DCDC1: variants seen among roughly 807,000 people sequenced by gnomAD.
DCDC1 encodes the protein doublecortin domain-containing protein 1.
In DCDC1, 200 loss-of-function variants were observed where a neutral mutation model predicts 178.3. The observed-to-expected ratio is 1.12, with a 90% CI of 1.00 to 1.26. The LOEUF is 1.26. DCDC1 is among the 50% of genes most tolerant of loss of function. DCDC1 has a pLI of 0.00. For missense variants in DCDC1, 1,983 were observed against 1,749.2 expected (o/e 1.13, Z -2.38); for synonymous variants, 690 against 604.8 (o/e 1.14, Z -2.07).
chr11:31,363,243 ATTTC>A (rs1412691775), intron 1 of DCDC1, among the ~76,000 whole-genome samples: 6 of 152,100 alleles, frequency 3.9e-5, no homozygotes. Context: ...GAAATAAATC[ATTTC>A]TTTAAGTGAG....
chr11:31,104,256 C>A (rs1958703555), intron 13 of DCDC1, among the ~76,000 whole-genome samples: 1 of 151,920 alleles, frequency 6.6e-6, no homozygotes, highest in Admixed American at 6.6e-5. Context: ...AAATTAAAAT[C>A]AAAAACAGAT....
chr11:30,927,384 AAAAG>A (rs771773504), intron 22 of DCDC1, among the ~76,000 whole-genome samples: 12 of 152,296 alleles, frequency 7.9e-5, no homozygotes, highest in East Asian at 1.9e-4. Flanking sequence ...AAAAAAGAAA[AAAAG>A]AAAGAAAGAA....
In DCDC1 at chr11:31,106,811, A is replaced by G. The variant is rs1356131404; in HGVS notation, c.1737T>C (p.Tyr579=). The G allele has an allele frequency of 1.3e-6, 1 of 766,130 alleles. No homozygotes were observed. The highest frequency in any genetic ancestry group is 2.4e-6 in the Non-Finnish European group (1 of 417,810). 47.5% of individuals were successfully genotyped at this position (766,130 alleles called of 1,614,324 possible). A position where few individuals can be genotyped will look rare whatever the true frequency, so the allele number is the denominator to read the frequency against. ...LKNEQKIWVS[Y]GRAYRSPLNL... ...CTTGCTCCTACCTGTATGCTCTACC[A>G]TAAGAGACCCAAATTTTTTGCTCAT... is the stretch of plus-strand genomic sequence containing the variant. The change falls in exon 13 of 39, where the codon TAT becomes TAC. Residue 579 remains tyrosine, a synonymous_variant. Transcript: ENST00000684477.
chr11:31,095,278 T>TTTATAATCC (rs1414063567), intron 15 of DCDC1, among the ~76,000 whole-genome samples: 2 of 152,136 alleles, frequency 1.3e-5, no homozygotes, highest in African/African-American at 4.8e-5. Context: ...AGTAGAATGA[T>TTTATAATCC]TTATAATCCT....
intron 15 of DCDC1, among the ~76,000 whole-genome samples, chr11:31,095,747 C>A (rs1243452732): frequency 6.6e-6 from 1 of 152,132 alleles, no homozygotes; most frequent in Non-Finnish European, 1.5e-5. Flanking sequence ...CTCACTTAGA[C>A]CTAATTGTCA....
chr11:30,868,679 T>A (rs1941249942), intron 38 of DCDC1, among the ~76,000 whole-genome samples: 1 of 152,146 alleles, frequency 6.6e-6, no homozygotes, highest in African/African-American at 2.4e-5. Context: ...TGTTTGGAAA[T>A]CTTCTAAATT....
intron 10 of DCDC1, among the ~76,000 whole-genome samples, chr11:31,134,163 C>A (rs563018744): frequency 6.6e-6 from 1 of 152,192 alleles, no homozygotes; most frequent in Admixed American, 6.5e-5. Context: ...GGAGAAGGAA[C>A]AATTGAAAAC....
chr11:31,032,542 T>C (rs1395260458), intron 20 of DCDC1, among the ~76,000 whole-genome samples: 2 of 150,440 alleles, frequency 1.3e-5, no homozygotes, highest in African/African-American at 5.0e-5. Flanking sequence ...GATACATACA[T>C]ACATATGCCT....
chr11:30,945,762 A>G (rs184371433), intron 21 of DCDC1, among the ~76,000 whole-genome samples: 24 of 150,022 alleles, frequency 1.6e-4, no homozygotes, highest in Admixed American at 2.7e-4. Flanking sequence ...CTGTCTGTCT[A>G]TCTATCTATA....
intron 9 of DCDC1, among the ~76,000 whole-genome samples, chr11:31,188,564 A>G (rs2136332116): frequency 6.6e-6 from 1 of 152,336 alleles, no homozygotes; most frequent in South Asian, 2.1e-4. Context: ...CATTTTCAGT[A>G]GAACCATGTC....
intron 10 of DCDC1, among the ~76,000 whole-genome samples, chr11:31,136,449 T>A (rs1963142198): frequency 6.6e-6 from 1 of 152,110 alleles, no homozygotes; most frequent in Non-Finnish European, 1.5e-5. Flanking sequence ...ACTAATATGG[T>A]CTCTAATGTA....
chr11:30,907,036 G>A (rs749099362), intron 29 of DCDC1, among the ~76,000 whole-genome samples: 7 of 152,256 alleles, frequency 4.6e-5, no homozygotes, highest in Middle Eastern at 3.4e-3. Context: ...GATATCTTGT[G>A]TCCTGAATGA....
intron 6 of DCDC1, among the ~76,000 whole-genome samples, chr11:31,304,747 C>A (rs914261027): frequency 6.6e-6 from 1 of 151,890 alleles, no homozygotes; most frequent in African/African-American, 2.4e-5. Context: ...ATAGAAGTTG[C>A]AGAAAAAAAT....
At chr11:31,126,111 T>A (rs930291319) in intron 11 of DCDC1, among the ~76,000 whole-genome samples, 1 of 152,074 alleles carries the variant, frequency 6.6e-6, no homozygotes, top group African/African-American at 2.4e-5. Context: ...ACACCGTAGT[T>A]CATACGAATA....
intron 6 of DCDC1, among the ~76,000 whole-genome samples, chr11:31,292,740 C>T (rs1257603689): frequency 3.3e-5 from 5 of 151,620 alleles, no homozygotes; most frequent in African/African-American, 1.2e-4. Flanking sequence ...AAATTGCTCA[C>T]TTTAAAATTA....
chr11:31,212,014 C>T (rs1254097856), intron 9 of DCDC1, among the ~76,000 whole-genome samples: 6 of 148,470 alleles, frequency 4.0e-5, no homozygotes, highest in African/African-American at 1.0e-4. Context: ...ATCCAGGAGG[C>T]GGAGCTTGCA....
intron 18 of DCDC1, among the ~76,000 whole-genome samples, chr11:31,070,639 A>ACAG (rs1398724395): frequency 6.6e-6 from 1 of 152,206 alleles, no homozygotes; most frequent in Non-Finnish European, 1.5e-5. Flanking sequence ...AAGTTTTCCC[A>ACAG]CTAAAGATTG....
intron 9 of DCDC1, among the ~76,000 whole-genome samples, chr11:31,229,987 A>G (rs1975554155): frequency 6.6e-6 from 1 of 152,176 alleles, no homozygotes. Context: ...ACTATTTAAT[A>G]TAGTACTTAA....
chr11:31,015,184 G>A (rs1392929438), intron 20 of DCDC1, among the ~76,000 whole-genome samples: 2 of 151,962 alleles, frequency 1.3e-5, no homozygotes, highest in Admixed American at 6.6e-5. Flanking sequence ...TCCTGACCTC[G>A]TGATCCACCA....
Sources: gnomAD v4.1 joint callset for allele counts (sites outside exome capture counted in the v4.1 genomes callset) on GRCh38, gnomAD v4.1.1 for gene constraint, MANE v1.5 for transcripts, NCBI Gene and HGNC (gene_info 2026-07-23, HGNC 2026-07-21) for gene names.